DMXL2: variants seen among roughly 807,000 people sequenced by gnomAD.
The protein encoded by DMXL2 is dmX-like protein 2.
A neutral mutation model predicts 331.1 loss-of-function variants in DMXL2; 103 were observed. The ratio of observed to expected loss-of-function variants is 0.31; its 90% CI spans 0.27 to 0.37. The LOEUF (loss-of-function observed/expected upper bound fraction) is 0.37, where lower values mean the gene tolerates loss of function less well. Ranked by LOEUF, DMXL2 falls within the 10% of genes least tolerant of loss-of-function variation. DMXL2 has a pLI of 1.00. For synonymous variants in DMXL2, 1,281 were observed against 1,252.1 expected, an observed-to-expected ratio of 1.02 and a Z score of -0.49; for missense variants, 3,171 against 3,642.9, an observed-to-expected ratio of 0.87 and a Z score of 3.33.
chr15:51,479,016 A>T (rs1257865889), intron 25 of DMXL2, among the ~76,000 whole-genome samples: 1 of 152,206 alleles, frequency 6.6e-6, no homozygotes. Context: ...AAACAGTTTC[A>T]TACCTTATAC....
At chr15:51,576,936 G>A (rs2051090068) in intron 1 of DMXL2, among the ~76,000 whole-genome samples, 1 of 152,146 alleles carries the variant, frequency 6.6e-6, no homozygotes, top group South Asian at 2.1e-4. Flanking sequence ...AAATTGTTGG[G>A]AAAATTCCCA....
chr15:51,591,253 T>C (rs2052299915), intron 1 of DMXL2, among the ~76,000 whole-genome samples: 2 of 152,210 alleles, frequency 1.3e-5, no homozygotes, highest in South Asian at 4.1e-4. Context: ...GCTTTTGCAA[T>C]GGTCTTAGCA....
At chr15:51,535,624 T>C in intron 13 of DMXL2, 39 bp downstream of exon 13, 1 of 1,532,242 alleles carries the variant, frequency 6.5e-7, no homozygotes, top group Non-Finnish European at 8.8e-7. Flanking sequence ...GAATTCTTTA[T>C]CTCCTTAGAT....
intron 1 of DMXL2, among the ~76,000 whole-genome samples, chr15:51,596,362 C>T (rs1199348279): frequency 1.3e-5 from 2 of 152,126 alleles, no homozygotes; most frequent in African/African-American, 4.8e-5. Flanking sequence ...AGATCAAAAC[C>T]ACAATGAGAT....
At chr15:51,500,297 A>C in intron 17 of DMXL2, 66 bp from the exon 18 acceptor site, 1 of 1,434,526 alleles carries the variant, frequency 7.0e-7, no homozygotes, top group Non-Finnish European at 9.3e-7. Flanking sequence ...TATGGTAGTA[A>C]TCAAATTCTG....
At position 51,499,498 on chromosome 15, in the gene DMXL2, A is replaced by T; in HGVS notation, c.3726T>A (p.Val1242=). 1.7e-5 allele frequency: 28 copies of T among 1,614,110 alleles called. No homozygotes were observed. The highest frequency in any genetic ancestry group is 2.4e-5 in the Non-Finnish European group (28 of 1,180,008). The change falls in exon 18 of 44, where the codon GTT becomes GTA. Residue 1242 remains valine, a synonymous_variant. Coordinates refer to ENST00000560891, the MANE Select transcript of DMXL2 (RefSeq NM_001378457.1). The stretch of plus-strand genomic sequence containing the variant: ...AAACAGGCAGTGAAGGAGTACCATC[A>T]ACAGAAGATACCAAGTCTATAGATC... ...LLRSIDLVSS[V]DGTPSLPVSL...
intron 15 of DMXL2, among the ~76,000 whole-genome samples, chr15:51,510,065 TAAG>T (rs1487259116): frequency 1.3e-5 from 2 of 152,166 alleles, no homozygotes; most frequent in Non-Finnish European, 2.9e-5. Context: ...CTCAAGATAA[TAAG>T]AGCTATTTAT....
intron 6 of DMXL2, 24 bp downstream of exon 6, chr15:51,563,357 G>T: frequency 6.5e-7 from 1 of 1,526,806 alleles, no homozygotes; most frequent in Non-Finnish European, 9.0e-7. Context: ...TGTTTATTTC[G>T]TATGTTTTTG....
chr15:51,593,007 T>C (rs1477695045), intron 1 of DMXL2, among the ~76,000 whole-genome samples: 4 of 152,162 alleles, frequency 2.6e-5, no homozygotes, highest in Admixed American at 6.5e-5. Context: ...TTGCATCAAC[T>C]AATGAGCAAA....
rs1465843489 is a variant in DMXL2, at chr15:51,480,058, T to C, written c.6646A>G (p.Lys2216Glu). 1 of 1,603,106 alleles carries C rather than the reference T, an allele frequency of 6.2e-7. No individual in the cohort carries two copies. Among genetic ancestry groups the C allele is most frequent in the Non-Finnish European group, 8.5e-7 (1 of 1,171,540 alleles). The change falls in exon 25 of 44, where the codon AAA becomes GAA. Residue 2216 changes from lysine to glutamate, a missense_variant. Physicochemically the swap from Lys to Glu is moderately conservative, Grantham distance 56. This residue lies in a region of DMXL2 where 197 missense variants were observed against 196.2 expected (regional missense o/e 1.00). Coordinates refer to ENST00000560891, the MANE Select transcript of DMXL2 (RefSeq NM_001378457.1). ...PLLSASIAST[K>E]TVIANPVLYL... ...AATACAGGATTAGCTATGACTGTTT[T>C]TGTTGACGCAATACTTGCTGAAAGC...
At chr15:51,610,072 G>C (rs566844269) in intron 1 of DMXL2, among the ~76,000 whole-genome samples, 1 of 152,116 alleles carries the variant, frequency 6.6e-6, no homozygotes, top group Non-Finnish European at 1.5e-5. Flanking sequence ...GATCTGAAAC[G>C]TAACTATGCA....
rs752368757 is a variant in DMXL2 at position 51,480,686 on chromosome 15, A to T, written c.6420T>A (p.His2140Gln). 13 of 1,612,642 alleles carry T rather than the reference A, an allele frequency of 8.1e-6. No individual in the cohort carries two copies. Among genetic ancestry groups the T allele is most frequent in the Non-Finnish European group, 9.3e-6 (11 of 1,178,922 alleles). The change falls in exon 24 of 44, where the codon CAT becomes CAA. Residue 2140 changes from histidine to glutamine, a missense_variant. Transcript: ENST00000560891. ...GCAACCACGACTTTCGTCTTTCTGC[A>T]TGCTCTCGTTTGGCCTGCAATCTTC... ...ERRRLQAKRE[H>Q]AERRKSWLQK...
At position 51,499,325 on chromosome 15, in the gene DMXL2, G is replaced by T; in HGVS notation, c.3899C>A (p.Thr1300Asn). The change falls in exon 18 of 44, where the codon ACC becomes AAC. Residue 1300 changes from threonine to asparagine, a missense_variant. Physicochemically the swap from Thr to Asn is moderately conservative, Grantham distance 65. Transcript: ENST00000560891. ...TCTTGCCAGCATATTAGATTTAAAG[G>T]TCGAATGATCTTGCATTGCTGCCTC... ...AEEAAMQDHS[T>N]FKSNMLARKS... 6.2e-7 allele frequency: 1 copy of T among 1,613,844 alleles called. No homozygotes were observed. The highest frequency in any genetic ancestry group is 1.3e-5 in the African/African-American group (1 of 75,028).
At chr15:51,608,274 C>T (rs1389547272) in intron 1 of DMXL2, among the ~76,000 whole-genome samples, 2 of 152,106 alleles carry the variant, frequency 1.3e-5, no homozygotes, top group Admixed American at 6.5e-5. Flanking sequence ...GAATATAAAT[C>T]GTTATACCAT....
At chr15:51,567,441 A>G (rs2141068145) in intron 3 of DMXL2, 1 of 152,302 alleles carries the variant, frequency 6.6e-6, no homozygotes, top group East Asian at 1.9e-4. Flanking sequence ...CAATAAATAA[A>G]TAAATGCTGT....
intron 20 of DMXL2, 40 bp downstream of exon 20, chr15:51,491,538 T>C (rs1430286463): frequency 6.5e-7 from 1 of 1,550,248 alleles, no homozygotes; most frequent in Non-Finnish European, 8.7e-7. Context: ...TAGGAAAAGG[T>C]TTTTTTAATA....
intron 13 of DMXL2, among the ~76,000 whole-genome samples, chr15:51,533,025 A>G (rs1358738626): frequency 1.3e-5 from 2 of 152,258 alleles, no homozygotes; most frequent in Non-Finnish European, 2.9e-5. Flanking sequence ...TTGTATTTGT[A>G]TATTCTGGCC....
chr15:51,449,732 C>T (rs1353809932), intron 43 of DMXL2, among the ~76,000 whole-genome samples: 2 of 152,102 alleles, frequency 1.3e-5, no homozygotes, highest in Non-Finnish European at 2.9e-5. Context: ...CATAATCCCA[C>T]CATAAAGTCA....
At chr15:51,456,272 TGAG>T in intron 38 of DMXL2, 34 bp downstream of exon 38, 6 of 1,595,942 alleles carry the variant, frequency 3.8e-6, no homozygotes, top group Non-Finnish European at 5.1e-6. Flanking sequence ...AACCTCCAAA[TGAG>T]GACACTTACA....
Sources: allele counts gnomAD v4.1 joint callset (sites outside exome capture counted in the v4.1 genomes callset), GRCh38; gene constraint gnomAD v4.1.1; regional missense constraint gnomAD v4.1.1; transcripts MANE v1.5; gene names NCBI Gene and HGNC (gene_info 2026-07-23, HGNC 2026-07-21).